LRRK2: variants seen among roughly 807,000 people sequenced by gnomAD.
LRRK2 encodes leucine-rich repeat serine/threonine-protein kinase 2.
LRRK2 carries 203 observed loss-of-function variants against 302.6 expected under a neutral mutation model. That is an observed-to-expected ratio of 0.67 (90% CI 0.60 to 0.75). The LOEUF (loss-of-function observed/expected upper bound fraction) is 0.75. LRRK2 is among the 30% of genes least tolerant of loss of function. The probability of loss-of-function intolerance (pLI) is 0.00; values close to 1 mark genes in which losing one functional copy is unlikely to be tolerated. For missense variants in LRRK2, 2,830 were observed against 2,951.0 expected (o/e 0.96, Z 0.95); for synonymous variants, 1,066 against 1,031.9 (o/e 1.03, Z -0.63).
At chr12:40,307,229 T>C (rs1251610451) in intron 28 of LRRK2, among the ~76,000 whole-genome samples, 1 of 152,060 alleles carries the variant, frequency 6.6e-6, no homozygotes, top group African/African-American at 2.4e-5. Flanking sequence ...ATGTTGCTTT[T>C]TGGTCATATC....
intron 33 of LRRK2, among the ~76,000 whole-genome samples, chr12:40,319,786 A>T (rs11176011): frequency 1.1e-3 from 34 of 31,114 alleles, no homozygotes; most frequent in Admixed American, 8.5e-3. Flanking sequence ...TAATTTAACA[A>T]TTTTTTTTTT....
chr12:40,342,858 G>A (rs898594217), intron 41 of LRRK2, among the ~76,000 whole-genome samples: 1 of 152,158 alleles, frequency 6.6e-6, no homozygotes. Flanking sequence ...CATTATGAGT[G>A]TAGGTCCATT....
chr12:40,243,464 TAC>T, intron 6 of LRRK2, 84 bp from the exon 7 acceptor site: 1 of 1,449,762 alleles, frequency 6.9e-7, no homozygotes, highest in Non-Finnish European at 9.6e-7. Context: ...GCCATCTATT[TAC>T]AGTCTATATA....
intron 43 of LRRK2, among the ~76,000 whole-genome samples, chr12:40,350,855 A>G (rs1276079848): frequency 6.6e-6 from 1 of 152,326 alleles, no homozygotes; most frequent in East Asian, 1.9e-4. Flanking sequence ...TACTTAACAA[A>G]TATGTATATA....
chr12:40,342,327 C>A (rs1256061982), intron 41 of LRRK2, among the ~76,000 whole-genome samples: 1 of 152,120 alleles, frequency 6.6e-6, no homozygotes, highest in Non-Finnish European at 1.5e-5. Flanking sequence ...TCTGATTCTT[C>A]ATACCAAGCC....
intron 6 of LRRK2, among the ~76,000 whole-genome samples, chr12:40,242,114 G>A (rs1182003105): frequency 6.6e-6 from 1 of 152,074 alleles, no homozygotes; most frequent in Non-Finnish European, 1.5e-5. Context: ...GAAAGTAGCA[G>A]CTAAAAATTA....
intron 20 of LRRK2, among the ~76,000 whole-genome samples, chr12:40,291,358 G>A (rs7953822): frequency 0.98 from 148,569 of 151,478 alleles, 72,869 homozygotes; most frequent in East Asian, 1. Context: ...CAGCACACCA[G>A]CATGGCACAT....
At chr12:40,280,106 A>G (rs1943623790) in intron 18 of LRRK2, among the ~76,000 whole-genome samples, 2 of 152,220 alleles carry the variant, frequency 1.3e-5, no homozygotes. Context: ...TAAAAACCTC[A>G]AGGTAAAACT....
At position 40,351,824 on chromosome 12, in the gene LRRK2, A is replaced by G. The variant is rs950390871; in HGVS notation, c.6576+91A>G. ...GAATAAATTAAATAAGAGCCAATGTAGGATTATTATTCAATTAGCCTTCTG... is the reference window on the plus strand; with the variant it reads ...GAATAAATTAAATAAGAGCCAATGTGGGATTATTATTCAATTAGCCTTCTG... On this transcript the variant is annotated intron_variant, in intron 44 of 50. Transcript: ENST00000298910. The G allele has an allele frequency of 2.4e-6, 3 of 1,270,434 alleles. No homozygotes were observed. The African/African-American group carries it at 4.5e-5, about 19-fold the overall frequency. The allele number at this position is 1,270,434 out of a possible 1,614,324, so 78.7% of individuals were successfully genotyped here. A position where few individuals can be genotyped will look rare whatever the true frequency, so the allele number is the denominator to read the frequency against.
chr12:40,334,311 A>G (rs944839146), intron 39 of LRRK2, among the ~76,000 whole-genome samples: 11 of 152,156 alleles, frequency 7.2e-5, no homozygotes, highest in African/African-American at 2.2e-4. Context: ...GAAAAATAGA[A>G]CTTAAAAATT....
intron 33 of LRRK2, among the ~76,000 whole-genome samples, chr12:40,318,236 A>T (rs532973604): frequency 6.6e-6 from 1 of 152,220 alleles, no homozygotes; most frequent in South Asian, 2.1e-4. Flanking sequence ...AAGGGGAAGG[A>T]AAAGAGACTC....
intron 14 of LRRK2, among the ~76,000 whole-genome samples, chr12:40,269,659 A>G (rs1362132591): frequency 6.6e-6 from 1 of 152,196 alleles, no homozygotes; most frequent in East Asian, 1.9e-4. Context: ...GATAAATTAT[A>G]CCATTTCCAA....
intron 33 of LRRK2, among the ~76,000 whole-genome samples, chr12:40,315,686 T>C (rs999369083): frequency 1.9e-4 from 29 of 152,042 alleles, no homozygotes; most frequent in African/African-American, 6.8e-4. Context: ...TCTATCTAGA[T>C]AACATGGAGG....
Position 40,340,153 on chromosome 12 carries a change from T to C in LRRK2, c.5949-141T>C, listed in dbSNP as rs185234188. ...TATATGTTTTGATTTCCTTCTACAA[T>C]ATCTCTTAACTTTAAGGGACAAAGT... On this transcript the variant is annotated intron_variant, in intron 40 of 50. Transcript: ENST00000298910. 1.7e-3 allele frequency: 1,308 copies of C among 782,104 alleles called. 2 individuals carry two copies. Among genetic ancestry groups the C allele is most frequent in the Non-Finnish European group, 2.3e-3 (1,086 of 480,826 alleles). 48.4% of individuals were successfully genotyped at this position (782,104 alleles called of 1,614,324 possible).
Position 40,277,926 on chromosome 12 carries a change from A to G in LRRK2, c.1980A>G (p.Ala660=), listed in dbSNP as rs1014317397. 1.2e-6 allele frequency: 2 copies of G among 1,612,242 alleles called. No homozygotes were observed. The highest frequency in any genetic ancestry group is 1.7e-6 in the Non-Finnish European group (2 of 1,179,770). ...QTILAILKLS[A]SFSKLLVHHS... ...TCTTAGCAATCCTCAAATTGTCAGC[A>G]TCTTTTTCTAAGCTGCTGGTGCATC... Residue 660 remains alanine, a synonymous_variant, in exon 17 of 51, where the codon GCA becomes GCG. Coordinates refer to ENST00000298910, the MANE Select transcript of LRRK2 (RefSeq NM_198578.4).
At chr12:40,278,314 AAG>A in intron 18 of LRRK2, 53 bp downstream of exon 18, 2 of 1,595,076 alleles carry the variant, frequency 1.3e-6, no homozygotes, top group Non-Finnish European at 1.7e-6. Context: ...TATAGAATGT[AAG>A]AGCCCTGCCA....
At position 40,274,850 on chromosome 12, in the gene LRRK2, C is replaced by G; in HGVS notation, c.1802-4C>G. On this transcript the variant is annotated splice_region_variant and splice_polypyrimidine_tract_variant and intron_variant, in intron 15 of 50. Coordinates refer to ENST00000298910, the MANE Select transcript of LRRK2 (RefSeq NM_198578.4). The stretch of plus-strand genomic sequence containing the variant: ...AAAACAATTCTTTTTTTTTATTTTC[C>G]TAGAAATTCAGTGTCTGGGTTTAAG... 6.2e-7 allele frequency: 1 copy of G among 1,609,298 alleles called. No homozygotes were observed. The highest frequency in any genetic ancestry group is 8.5e-7 in the Non-Finnish European group (1 of 1,176,568).
Position 40,263,828 on chromosome 12 carries a change from A to C in LRRK2, c.1583A>C (p.His528Pro), listed in dbSNP as rs1942885630. 6.2e-7 allele frequency: 1 copy of C among 1,613,350 alleles called. No individual in the cohort carries two copies. Among genetic ancestry groups the C allele is most frequent in the Non-Finnish European group, 8.5e-7 (1 of 1,179,524 alleles). The change falls in exon 14 of 51, where the codon CAT becomes CCT. Residue 528 changes from histidine to proline, a missense_variant. His to Pro is a moderately conservative substitution (Grantham distance 77, BLOSUM62 -2). Transcript: ENST00000298910. ...TCCAGGGAGGATACAGAATTTCATC[A>C]TAAGCTAAATATGGTTAAAAAACAG... ...EESREDTEFH[H>P]KLNMVKKQCF...
chr12:40,294,954 G>T (rs1247225778), intron 22 of LRRK2, 40 bp downstream of exon 22: 3 of 1,236,750 alleles, frequency 2.4e-6, no homozygotes, highest in South Asian at 1.3e-5. Context: ...TAGATATTTT[G>T]GGCAGAATGC....
Sources: gnomAD v4.1 joint callset for allele counts (sites outside exome capture counted in the v4.1 genomes callset) on GRCh38, gnomAD v4.1.1 for gene constraint, MANE v1.5 for transcripts, NCBI Gene and HGNC (gene_info 2026-07-23, HGNC 2026-07-21) for gene names.